PRKCZ: variants seen among roughly 807,000 people sequenced by gnomAD.
The protein encoded by PRKCZ is protein kinase C zeta type.
A neutral mutation model predicts 79.5 loss-of-function variants in PRKCZ; 33 were observed. The observed-to-expected ratio is 0.41, with a 90% CI of 0.31 to 0.55. The LOEUF is 0.55. Ranked by LOEUF, PRKCZ falls within the 20% of genes least tolerant of loss-of-function variation. The pLI is 0.19. For synonymous variants in PRKCZ, 342 were observed against 320.9 expected (o/e 1.07, Z -0.70); for missense variants, 578 against 813.5 (o/e 0.71, Z 3.52).
chr1:2,175,804 G>C (rs958451357), intron 16 of PRKCZ, among the ~76,000 whole-genome samples: 1 of 152,088 alleles, frequency 6.6e-6, no homozygotes, highest in Non-Finnish European at 1.5e-5. Context: ...GGGGCCGGAC[G>C]AGCTCGGCCC....
At chr1:2,093,124 G>C (rs1332424664) in intron 4 of PRKCZ, among the ~76,000 whole-genome samples, 1 of 151,678 alleles carries the variant, frequency 6.6e-6, no homozygotes, top group African/African-American at 2.4e-5. Context: ...TGTGAGGACA[G>C]AGCTGCAGCT....
At chr1:2,156,234 C>T in intron 10 of PRKCZ, 142 bp downstream of exon 10, 1 of 675,376 alleles carries the variant, frequency 1.5e-6, no homozygotes, top group East Asian at 2.8e-5. Context: ...AGCAGACTCT[C>T]TTTGTTGTTC....
chr1:2,093,243 G>A (rs971080122), intron 4 of PRKCZ, among the ~76,000 whole-genome samples: 1 of 152,136 alleles, frequency 6.6e-6, no homozygotes, highest in Admixed American at 6.5e-5. Context: ...TGCATGGTGT[G>A]GTCAGGTGTG....
Position 2,172,675 on chromosome 1 carries a change from A to G in PRKCZ, c.1285+287A>G, listed in dbSNP as rs1289425435. Among the ~76,000 whole-genome samples, 1 of 152,122 alleles carries G rather than the reference A, an allele frequency of 6.6e-6. No homozygotes were observed. The stretch of plus-strand genomic sequence containing the variant: ...AAGACACAGAAAGCGGGGGTGGGAC[A>G]GGGTGCAGCACCTGAGTCCCCGTGC... On this transcript the variant is annotated intron_variant, in intron 13 of 17. Coordinates refer to ENST00000378567, the MANE Select transcript of PRKCZ (RefSeq NM_002744.6). This position sits in a 1 kb window ranked among gnomAD's most constrained non-coding sequence, Gnocchi z 7.8.
rs189725104 is a variant in PRKCZ, at chr1:2,064,555, G to A, written c.334+4964G>A. 1.5e-3 allele frequency among the ~76,000 whole-genome samples: 233 copies of A among 152,330 alleles called. 2 individuals carry two copies. The highest frequency in any genetic ancestry group is 5.3e-3 in the African/African-American group (222 of 41,564). On this transcript the variant is annotated intron_variant, in intron 4 of 17. Coordinates refer to ENST00000378567, the MANE Select transcript of PRKCZ (RefSeq NM_002744.6). ...AGTTAATTTTTGTATGTGGTGTAAG[G>A]TAAGCATCTAACTTCATTCCTTTGC...
chr1:2,074,067 C>T (rs1571172118), intron 4 of PRKCZ: 14 of 1,478,624 alleles, frequency 9.5e-6, no homozygotes, highest in South Asian at 6.8e-5. Flanking sequence ...GCTGCCTGTG[C>T]GCTGCACAGA....
At chr1:2,068,230 G>A (rs924376503) in intron 4 of PRKCZ, among the ~76,000 whole-genome samples, 2 of 152,214 alleles carry the variant, frequency 1.3e-5, no homozygotes, top group East Asian at 1.9e-4. Flanking sequence ...GGGGCGGCCC[G>A]GCTTCGATGC....
At chr1:2,066,562 G>A (rs570417864) in intron 4 of PRKCZ, among the ~76,000 whole-genome samples, 2 of 152,258 alleles carry the variant, frequency 1.3e-5, no homozygotes, top group South Asian at 2.1e-4. Flanking sequence ...GGCTGGTCCC[G>A]AACTCCTGAC....
intron 4 of PRKCZ, among the ~76,000 whole-genome samples, chr1:2,121,530 G>GGTGGTAGTTAGGATCATGGCTGTAGT: frequency 7.4e-6 from 1 of 134,614 alleles, no homozygotes; most frequent in African/African-American, 2.5e-5. Context: ...GGTCATGGCA[G>GGTGGTAGTTAGGATCATGGCTGTAGT]TAGTTAGGGT....
intron 16 of PRKCZ, among the ~76,000 whole-genome samples, chr1:2,180,527 C>T (rs865904994): frequency 7.9e-5 from 12 of 152,042 alleles, no homozygotes; most frequent in African/African-American, 1.7e-4. Context: ...GCACAGATGA[C>T]GTGGACGCAC....
chr1:2,180,861 AC>A (rs1330639937), intron 16 of PRKCZ, among the ~76,000 whole-genome samples: 3 of 152,034 alleles, frequency 2.0e-5, no homozygotes, highest in Admixed American at 1.3e-4. Flanking sequence ...CACCGTCATC[AC>A]CCCAACAGTG....
At chr1:2,147,911 CTGT>C (rs1348416831) in intron 7 of PRKCZ, among the ~76,000 whole-genome samples, 1 of 152,164 alleles carries the variant, frequency 6.6e-6, no homozygotes, top group Non-Finnish European at 1.5e-5. Flanking sequence ...ATCTTTCCGT[CTGT>C]TGTCCACTGA....
At chr1:2,084,754 C>G (rs1193999765) in intron 4 of PRKCZ, among the ~76,000 whole-genome samples, 1 of 152,214 alleles carries the variant, frequency 6.6e-6, no homozygotes, top group Non-Finnish European at 1.5e-5. Flanking sequence ...CCTGTCATCC[C>G]AGCACTTCGG....
At position 2,064,138 on chromosome 1, in the gene PRKCZ, T is replaced by C. The variant is rs76113647; in HGVS notation, c.334+4547T>C. The stretch of plus-strand genomic sequence containing the variant: ...CTGGGATTATAGGCGTGAGCTGCCG[T>C]GCCCGGCTTTGTTGGCCATTTCTGT... On this transcript the variant is annotated intron_variant, in intron 4 of 17. Transcript: ENST00000378567. Among the ~76,000 whole-genome samples the C allele has an allele frequency of 0.011, 1,654 of 152,378 alleles. 140 individuals carry two copies. In the East Asian group the frequency reaches 0.21, roughly 19 times the overall value.
intron 4 of PRKCZ, among the ~76,000 whole-genome samples, chr1:2,107,852 C>T (rs949596512): frequency 3.6e-4 from 54 of 151,766 alleles, no homozygotes; most frequent in African/African-American, 1.3e-3. Context: ...CCCCCCAGGG[C>T]AGTGTCGAGG....
At chr1:2,108,057 G>A (rs570805321) in intron 4 of PRKCZ, among the ~76,000 whole-genome samples, 28 of 152,384 alleles carry the variant, frequency 1.8e-4, no homozygotes, top group African/African-American at 6.3e-4. Flanking sequence ...GCCTGGGCCA[G>A]TCGGGGTGGT....
chr1:2,073,717 A>T (rs1183941305), intron 4 of PRKCZ: 2 of 1,000,122 alleles, frequency 2.0e-6, no homozygotes, highest in Non-Finnish European at 2.4e-6. Context: ...GCCTGGAGAC[A>T]TGAGGAGGCA....
At position 2,185,323 on chromosome 1, in the gene PRKCZ, A is replaced by G. The variant is rs997234815; in HGVS notation, c.*314A>G. On this transcript the variant is annotated 3_prime_UTR_variant, in exon 18 of 18. Coordinates refer to ENST00000378567, the MANE Select transcript of PRKCZ (RefSeq NM_002744.6). ...ACATTTTCCACGGAAACAGAACTCG[A>G]TGCACTGACCTGCTCCGCCAGGAAA... 1.4e-6 allele frequency: 1 copy of G among 718,656 alleles called. No homozygotes were observed. Among genetic ancestry groups the G allele is most frequent in the African/African-American group, 1.7e-5 (1 of 57,276 alleles). 44.5% of individuals were successfully genotyped at this position (718,656 alleles called of 1,614,324 possible). A position where few individuals can be genotyped will look rare whatever the true frequency, so the allele number is the denominator to read the frequency against.
At chr1:2,081,456 G>C (rs982297792) in intron 4 of PRKCZ, among the ~76,000 whole-genome samples, 3 of 152,184 alleles carry the variant, frequency 2.0e-5, no homozygotes, top group Admixed American at 2.0e-4. Flanking sequence ...GGGCGAGTCT[G>C]GGCTGTGGGC....
Sources: gnomAD v4.1 joint callset for allele counts (sites outside exome capture counted in the v4.1 genomes callset) on GRCh38, gnomAD v4.1.1 for gene constraint, Gnocchi (gnomAD v3.1) non-coding constraint, MANE v1.5 for transcripts, NCBI Gene and HGNC (gene_info 2026-07-23, HGNC 2026-07-21) for gene names.